OTUD1: variants seen among roughly 807,000 people sequenced by gnomAD.
OTUD1 encodes the protein OTU domain-containing protein 1.
In OTUD1, 15 loss-of-function variants were observed where a neutral mutation model predicts 30.0. That is an observed-to-expected ratio of 0.50 (90% CI 0.33 to 0.77). The LOEUF is 0.77. OTUD1 is among the 30% of genes least tolerant of loss of function. The pLI is 0.02. For missense variants in OTUD1, 796 were observed against 697.8 expected (o/e 1.14, Z -1.59); for synonymous variants, 381 against 326.3 (o/e 1.17, Z -1.81).
rs979271168 is a variant in OTUD1, at chr10:23,441,891, A to G, written c.*988A>G. 2.4e-5 allele frequency: 4 copies of G among 167,066 alleles called. No homozygotes were observed. Among genetic ancestry groups the G allele is most frequent in the Admixed American group, 6.5e-5 (1 of 15,290 alleles). 10.3% of individuals were successfully genotyped at this position (167,066 alleles called of 1,614,324 possible). Reference sequence around the variant, plus strand: ...AGTTATAGCAGGAGAACACTGTCTTAATATTTCTTTACATTCTTTCAAAAG... The same window carrying G: ...AGTTATAGCAGGAGAACACTGTCTTGATATTTCTTTACATTCTTTCAAAAG... On this transcript the variant is annotated 3_prime_UTR_variant, in exon 1 of 1. Coordinates refer to ENST00000376495, the MANE Select transcript of OTUD1 (RefSeq NM_001145373.3).
At position 23,440,704 on chromosome 10, in the gene OTUD1, A is replaced by G. The variant is rs1442589235; in HGVS notation, c.1247A>G (p.Asp416Gly). 2 of 1,551,754 alleles carry G rather than the reference A, an allele frequency of 1.3e-6. No homozygotes were observed. Among genetic ancestry groups the G allele is most frequent in the Non-Finnish European group, 1.7e-6 (2 of 1,147,046 alleles). The part of the protein sequence containing the change: ...STMIHYLGPE[D>G]SLRPSIWLSW... Reference sequence around the variant, plus strand: ...ATGATTCATTATTTGGGCCCAGAGGATTCCCTGAGGCCTAGTATTTGGCTC... The same window carrying G: ...ATGATTCATTATTTGGGCCCAGAGGGTTCCCTGAGGCCTAGTATTTGGCTC... Residue 416 changes from aspartate (D) to glycine (G), a missense_variant, in exon 1 of 1, where the codon GAT becomes GGT. By Grantham distance (94) the Asp-to-Gly change is moderately conservative. Transcript: ENST00000376495.
rs575590125 is a variant in OTUD1, at chr10:23,439,078, C to T, written c.-380C>T. On this transcript the variant is annotated 5_prime_UTR_variant, in exon 1 of 1. Transcript: ENST00000376495. ...ACCGCGGCCCCGCCTCCCGGGCCTCCGCGCGCACCGCGCTCCTCCTCGCCG... is the reference window on the plus strand; with the variant it reads ...ACCGCGGCCCCGCCTCCCGGGCCTCTGCGCGCACCGCGCTCCTCCTCGCCG... Among the ~76,000 whole-genome samples the T allele has an allele frequency of 3.5e-4, 53 of 150,474 alleles. No homozygotes were observed. The highest frequency in any genetic ancestry group is 1.2e-3 in the African/African-American group (50 of 41,370).
rs1190940310 is a variant in OTUD1, at chr10:23,440,183, T to C, written c.726T>C (p.Asp242=). 4.8e-6 allele frequency: 7 copies of C among 1,456,510 alleles called. No homozygotes were observed. The highest frequency in any genetic ancestry group is 6.3e-6 in the Non-Finnish European group (7 of 1,106,396). 90.2% of individuals were successfully genotyped at this position (1,456,510 alleles called of 1,614,324 possible). A position where few individuals can be genotyped will look rare whatever the true frequency, so the allele number is the denominator to read the frequency against. The part of the protein sequence containing the change: ...RGPRGWERGG[D]RCDAPGGDAA... ...CCAGGGGCTGGGAGAGGGGCGGCGA[T>C]CGCTGCGACGCGCCCGGTGGGGACG... The change falls in exon 1 of 1, where the codon GAT becomes GAC. Residue 242 remains aspartate (D), a synonymous_variant. Transcript: ENST00000376495.
Position 23,440,320 on chromosome 10 carries a change from A to G in OTUD1, c.863A>G (p.Glu288Gly), listed in dbSNP as rs1369186966. Reference sequence around the variant, plus strand: ...GTCTCCAGGTCGGATCCCAGAGACGAGAAGCTGGCCCTATACCTGGCCGAG... The same window carrying G: ...GTCTCCAGGTCGGATCCCAGAGACGGGAAGCTGGCCCTATACCTGGCCGAG... ...VIVSRSDPRDEKLALYLAEVE... is the reference protein window; with the variant it reads ...VIVSRSDPRDGKLALYLAEVE... Residue 288 changes from glutamate to glycine, a missense_variant, in exon 1 of 1, where the codon GAG becomes GGG. Physicochemically the swap from Glu to Gly is moderately conservative, Grantham distance 98 (BLOSUM62 -2). Coordinates refer to ENST00000376495, the MANE Select transcript of OTUD1 (RefSeq NM_001145373.3). 2.6e-6 allele frequency: 4 copies of G among 1,551,044 alleles called. No homozygotes were observed. The African/African-American group carries it at 5.5e-5, about 21-fold the overall frequency.
Position 23,439,868 on chromosome 10 carries a change from C to G in OTUD1, c.411C>G (p.Gly137=), listed in dbSNP as rs1564551135. The part of the protein sequence containing the change: ...HGPDPVPGAA[G]SAAAPRGRCL... The stretch of plus-strand genomic sequence containing the variant: ...CCGATCCCGTTCCCGGCGCCGCGGG[C>G]TCCGCCGCTGCCCCGCGCGGCCGCT... The change falls in exon 1 of 1, where the codon GGC becomes GGG. Residue 137 remains glycine (G), a synonymous_variant. Transcript: ENST00000376495. 1 of 1,135,760 alleles carries G rather than the reference C, an allele frequency of 8.8e-7. No individual in the cohort carries two copies. 70.4% of individuals were successfully genotyped at this position (1,135,760 alleles called of 1,614,324 possible). A position where few individuals can be genotyped will look rare whatever the true frequency, so the allele number is the denominator to read the frequency against.
rs1289616186 is a variant in OTUD1 at position 23,439,928 on chromosome 10, C to T, written c.471C>T (p.Val157=). ...TCGCCCCGGCGCCCGCAGCCCCGGT[C>T]CCGCCGCGGCGGGGCTCCTCGGCCT... ...LLLAPAPAAP[V]PPRRGSSAWL... is the part of the protein sequence containing the mutation. Residue 157 remains valine, a synonymous_variant, in exon 1 of 1, where the codon GTC becomes GTT. Coordinates refer to ENST00000376495, the MANE Select transcript of OTUD1 (RefSeq NM_001145373.3). 1.3e-5 allele frequency: 16 copies of T among 1,222,850 alleles called. No homozygotes were observed. Among genetic ancestry groups the T allele is most frequent in the African/African-American group, 1.6e-5 (1 of 63,232 alleles). 75.7% of individuals were successfully genotyped at this position (1,222,850 alleles called of 1,614,324 possible). A position where few individuals can be genotyped will look rare whatever the true frequency, so the allele number is the denominator to read the frequency against.
Position 23,440,907 on chromosome 10 carries a change from G to T in OTUD1, c.*4G>T, listed in dbSNP as rs146347144. 40 of 1,547,904 alleles carry T rather than the reference G, an allele frequency of 2.6e-5. No individual in the cohort carries two copies. In the East Asian group the frequency reaches 8.8e-4, roughly 34 times the overall value. Reference sequence around the variant, plus strand: ...TGAACAAAATGCATGCTCTTGAAATGTCTCAAAACCTTACACCCTGGGAAT... The same window carrying T: ...TGAACAAAATGCATGCTCTTGAAATTTCTCAAAACCTTACACCCTGGGAAT... On this transcript the variant is annotated 3_prime_UTR_variant, in exon 1 of 1. Transcript: ENST00000376495.
In OTUD1 at chr10:23,439,679, C is replaced by T. The variant is rs1357846403; in HGVS notation, c.222C>T (p.Ala74=). ...CTGTCCCCGCCGCCAAGATGCCCGC[C>T]TTCTCCTCCTGCTTCGAGGTGGTGT... ...AAAVPAAKMP[A]FSSCFEVVSG... is the part of the protein sequence containing the mutation. The change falls in exon 1 of 1, where the codon GCC becomes GCT. Residue 74 remains alanine (A), a synonymous_variant. Transcript: ENST00000376495. 14 of 1,290,308 alleles carry T rather than the reference C, an allele frequency of 1.1e-5. No homozygotes were observed. Among genetic ancestry groups the T allele is most frequent in the Middle Eastern group, 3.0e-4 (1 of 3,388 alleles). The allele number at this position is 1,290,308 out of a possible 1,614,324, so 79.9% of individuals were successfully genotyped here.
rs1482798744 is a variant in OTUD1 at position 23,439,617 on chromosome 10, C to A, written c.160C>A (p.Gln54Lys). 1 of 1,306,888 alleles carries A rather than the reference C, an allele frequency of 7.7e-7. No individual in the cohort carries two copies. The allele number at this position is 1,306,888 out of a possible 1,614,324, so 81.0% of individuals were successfully genotyped here. A position where few individuals can be genotyped will look rare whatever the true frequency, so the allele number is the denominator to read the frequency against. Residue 54 changes from glutamine (Q) to lysine (K), a missense_variant, in exon 1 of 1, where the codon CAG becomes AAG. Physicochemically the swap from Gln to Lys is moderately conservative, Grantham distance 53. Transcript: ENST00000376495. ...AAPEPETGECQPAAAAEHREA... is the reference protein window; with the variant it reads ...AAPEPETGECKPAAAAEHREA... ...GCCCGAGCCCGAGACCGGTGAGTGC[C>A]AGCCCGCCGCGGCCGCCGAGCACCG...
chr10:23,439,914 C>A lies in OTUD1; in HGVS notation c.457C>A (p.Pro153Thr). Reference sequence around the variant, plus strand: ...CCGCTGCCTCCTGCTCGCCCCGGCGCCCGCAGCCCCGGTCCCGCCGCGGCG... The same window carrying A: ...CCGCTGCCTCCTGCTCGCCCCGGCGACCGCAGCCCCGGTCCCGCCGCGGCG... ...RGRCLLLAPA[P>T]AAPVPPRRGS... Residue 153 changes from proline to threonine, a missense_variant, in exon 1 of 1, where the codon CCC becomes ACC. Coordinates refer to ENST00000376495, the MANE Select transcript of OTUD1 (RefSeq NM_001145373.3). 1 of 1,210,330 alleles carries A rather than the reference C, an allele frequency of 8.3e-7. No individual in the cohort carries two copies. The highest frequency in any genetic ancestry group is 1.0e-6 in the Non-Finnish European group (1 of 977,126). 75.0% of individuals were successfully genotyped at this position (1,210,330 alleles called of 1,614,324 possible). A position where few individuals can be genotyped will look rare whatever the true frequency, so the allele number is the denominator to read the frequency against.
Position 23,439,594 on chromosome 10 carries a change from C to G in OTUD1, c.137C>G (p.Pro46Arg). ...LQPPGAAGAA[P>R]EPETGECQPA... is the part of the protein sequence containing the mutation. ...CCCCCGGGAGCCGCCGGCGCCGCGC[C>G]CGAGCCCGAGACCGGTGAGTGCCAG... Residue 46 changes from proline (P) to arginine (R), a missense_variant, in exon 1 of 1, where the codon CCC becomes CGC. Pro to Arg is a moderately radical substitution (Grantham distance 103, BLOSUM62 -2). Transcript: ENST00000376495. The G allele has an allele frequency of 7.3e-7, 1 of 1,364,842 alleles. No individual in the cohort carries two copies. The highest frequency in any genetic ancestry group is 9.5e-7 in the Non-Finnish European group (1 of 1,054,052). The allele number at this position is 1,364,842 out of a possible 1,614,324, so 84.5% of individuals were successfully genotyped here.
At position 23,439,862 on chromosome 10, in the gene OTUD1, C is replaced by T; in HGVS notation, c.405C>T (p.Ala135=). The T allele has an allele frequency of 1.8e-6, 2 of 1,122,392 alleles. No individual in the cohort carries two copies. The highest frequency in any genetic ancestry group is 2.2e-6 in the Non-Finnish European group (2 of 920,206). 69.5% of individuals were successfully genotyped at this position (1,122,392 alleles called of 1,614,324 possible). A position where few individuals can be genotyped will look rare whatever the true frequency, so the allele number is the denominator to read the frequency against. ...LLHGPDPVPG[A]AGSAAAPRGR... ...ACGGGCCCGATCCCGTTCCCGGCGCCGCGGGCTCCGCCGCTGCCCCGCGCG... is the reference window on the plus strand; with the variant it reads ...ACGGGCCCGATCCCGTTCCCGGCGCTGCGGGCTCCGCCGCTGCCCCGCGCG... The change falls in exon 1 of 1, where the codon GCC becomes GCT. Residue 135 remains alanine, a synonymous_variant. Transcript: ENST00000376495.
rs1564551047 is a variant in OTUD1, at chr10:23,439,710, G to A, written c.253G>A (p.Ala85Thr). Residue 85 changes from alanine (A) to threonine (T), a missense_variant, in exon 1 of 1, where the codon GCC (alanine) becomes ACC (threonine). By Grantham distance (58) the Ala-to-Thr change is moderately conservative. Transcript: ENST00000376495. ...FSSCFEVVSG[A>T]AAPASAAAGP... The stretch of plus-strand genomic sequence containing the variant: ...CTCCTGCTTCGAGGTGGTGTCCGGG[G>A]CCGCCGCGCCCGCCTCCGCCGCCGC... 6.7e-6 allele frequency: 8 copies of A among 1,196,552 alleles called. No individual in the cohort carries two copies. In the South Asian group the frequency reaches 2.1e-4, roughly 31 times the overall value. 74.1% of individuals were successfully genotyped at this position (1,196,552 alleles called of 1,614,324 possible). A position where few individuals can be genotyped will look rare whatever the true frequency, so the allele number is the denominator to read the frequency against.
At position 23,439,941 on chromosome 10, in the gene OTUD1, G is replaced by GGCT. The variant is rs1232245614; in HGVS notation, c.485_487dup (p.Gly162_Ser163insCys). The GGCT allele has an allele frequency of 8.1e-7, 1 of 1,231,586 alleles. No individual in the cohort carries two copies. Among genetic ancestry groups the GGCT allele is most frequent in the Non-Finnish European group, 1.0e-6 (1 of 989,410 alleles). The allele number at this position is 1,231,586 out of a possible 1,614,324, so 76.3% of individuals were successfully genotyped here. A position where few individuals can be genotyped will look rare whatever the true frequency, so the allele number is the denominator to read the frequency against. The stretch of plus-strand genomic sequence containing the variant: ...CGCAGCCCCGGTCCCGCCGCGGCGG[G>GGCT]GCTCCTCGGCCTGGCTCCTGGAGGA... On this transcript the variant is annotated inframe_insertion, in exon 1 of 1. Transcript: ENST00000376495.
At position 23,440,864 on chromosome 10, in the gene OTUD1, C is replaced by G. The variant is rs1029302545; in HGVS notation, c.1407C>G (p.Ser469=). 4 of 1,551,782 alleles carry G rather than the reference C, an allele frequency of 2.6e-6. No homozygotes were observed. Among genetic ancestry groups the G allele is most frequent in the Admixed American group, 3.9e-5 (2 of 51,000 alleles). Residue 469 remains serine (S), a synonymous_variant, in exon 1 of 1, where the codon TCC becomes TCG. Transcript: ENST00000376495. The part of the protein sequence containing the change: ...DEELAKSMAI[S]LSKMYIEQNA... ...AACTTGCCAAATCTATGGCCATATCCTTGTCTAAAATGTATATTGAACAAA... is the reference window on the plus strand; with the variant it reads ...AACTTGCCAAATCTATGGCCATATCGTTGTCTAAAATGTATATTGAACAAA...
In OTUD1 at chr10:23,441,077, C is replaced by T; in HGVS notation, c.*174C>T. The stretch of plus-strand genomic sequence containing the variant: ...TTTCTCAGAGCTGGAGGTTGCTGGG[C>T]ACCTAAATGATGTTTCATGATAGCT... On this transcript the variant is annotated 3_prime_UTR_variant, in exon 1 of 1. Transcript: ENST00000376495. The T allele has an allele frequency of 2.8e-6, 2 of 702,748 alleles. No individual in the cohort carries two copies. Among genetic ancestry groups the T allele is most frequent in the Admixed American group, 6.3e-5 (2 of 31,542 alleles). 43.5% of individuals were successfully genotyped at this position (702,748 alleles called of 1,614,324 possible).
In OTUD1 at chr10:23,440,386, A is replaced by G. The variant is rs778106331; in HGVS notation, c.929A>G (p.Tyr310Cys). 7 of 1,551,450 alleles carry G rather than the reference A, an allele frequency of 4.5e-6. No individual in the cohort carries two copies. The South Asian group carries it at 7.1e-5, about 16-fold the overall frequency. Reference sequence around the variant, plus strand: ...AAGTATCTGCGGCAGAGGAATAAGTACCGATTCCACATCATTCCAGACGGC... The same window carrying G: ...AAGTATCTGCGGCAGAGGAATAAGTGCCGATTCCACATCATTCCAGACGGC... ...QDKYLRQRNK[Y>C]RFHIIPDGNC... is the part of the protein sequence containing the mutation. The change falls in exon 1 of 1, where the codon TAC becomes TGC. Residue 310 changes from tyrosine to cysteine, a missense_variant. By Grantham distance (194) the Tyr-to-Cys change is radical. Coordinates refer to ENST00000376495, the MANE Select transcript of OTUD1 (RefSeq NM_001145373.3).
In OTUD1 at chr10:23,441,230, CACA is replaced by C. The variant is rs1295562281; in HGVS notation, c.*331_*333del. The C allele has an allele frequency of 7.6e-6, 2 of 263,592 alleles. No homozygotes were observed. Among genetic ancestry groups the C allele is most frequent in the East Asian group, 8.8e-5 (1 of 11,424 alleles). 16.3% of individuals were successfully genotyped at this position (263,592 alleles called of 1,614,324 possible). A position where few individuals can be genotyped will look rare whatever the true frequency, so the allele number is the denominator to read the frequency against. ...TATTTTCTATAAAAATGTATTTTTG[CACA>C]ACATTTTTAAAAACTGGTGTACCTT... On this transcript the variant is annotated 3_prime_UTR_variant, in exon 1 of 1. Coordinates refer to ENST00000376495, the MANE Select transcript of OTUD1 (RefSeq NM_001145373.3).
In OTUD1 at chr10:23,440,540, C is replaced by G; in HGVS notation, c.1083C>G (p.Asp361Glu). The G allele has an allele frequency of 6.4e-7, 1 of 1,551,680 alleles. No homozygotes were observed. The highest frequency in any genetic ancestry group is 8.7e-7 in the Non-Finnish European group (1 of 1,147,004). Reference protein sequence around the residue: ...LDHFSPLIEGDVGEFIIAAAQ... With the variant: ...LDHFSPLIEGEVGEFIIAAAQ... Reference sequence around the variant, plus strand: ...ACTTCAGCCCCCTGATTGAGGGCGACGTGGGGGAGTTTATCATCGCTGCTG... The same window carrying G: ...ACTTCAGCCCCCTGATTGAGGGCGAGGTGGGGGAGTTTATCATCGCTGCTG... The change falls in exon 1 of 1, where the codon GAC (aspartate) becomes GAG (glutamate). Residue 361 changes from aspartate to glutamate, a missense_variant. Asp to Glu is a conservative substitution (Grantham distance 45). Transcript: ENST00000376495.
Sources: gnomAD v4.1 joint callset for allele counts (sites outside exome capture counted in the v4.1 genomes callset) on GRCh38, gnomAD v4.1.1 for gene constraint, MANE v1.5 for transcripts, NCBI Gene and HGNC (gene_info 2026-07-23, HGNC 2026-07-21) for gene names.